Variants in DNASE1 observed in about 807,000 individuals in gnomAD.
DNASE1 encodes the protein deoxyribonuclease 1.
DNASE1 carries 40 observed loss-of-function variants against 33.9 expected under a neutral mutation model. The ratio of observed to expected loss-of-function variants is 1.18; its 90% CI spans 0.92 to 1.54. The LOEUF (loss-of-function observed/expected upper bound fraction) is 1.54, where lower values mean the gene tolerates loss of function less well. DNASE1 is among the 40% of genes most tolerant of loss of function. DNASE1 has a pLI of 0.00. For synonymous variants in DNASE1, 216 were observed against 160.0 expected (o/e 1.35, Z -2.64); for missense variants, 518 against 372.6 (o/e 1.39, Z -3.21).
intron 1 of DNASE1, among the ~76,000 whole-genome samples, chr16:3,619,369 A>T (rs534270442): frequency 1.4e-5 from 2 of 138,550 alleles, no homozygotes; most frequent in Non-Finnish European, 3.1e-5. Context: ...TTTATTTTTT[A>T]TTTTTTTTTG....
intron 7 of DNASE1, among the ~76,000 whole-genome samples, 153 bp downstream of exon 7, chr16:3,657,494 G>A (rs577384559): frequency 6.6e-6 from 1 of 152,292 alleles, no homozygotes; most frequent in African/African-American, 2.4e-5. Flanking sequence ...CAAGAGCCAC[G>A]ATTTTTAGGT....
At chr16:3,626,819 G>A (rs1157151406) in intron 1 of DNASE1, among the ~76,000 whole-genome samples, 6 of 152,166 alleles carry the variant, frequency 3.9e-5, no homozygotes, top group African/African-American at 7.2e-5. Context: ...GGATTATGCT[G>A]TCTTGATGAA....
chr16:3,656,010 A>G, intron 3 of DNASE1, 73 bp downstream of exon 3: 1 of 1,611,504 alleles, frequency 6.2e-7, no homozygotes, highest in Admixed American at 1.7e-5. Context: ...CTTGGGCCCC[A>G]AGGGTGGGGA....
At chr16:3,619,142 C>T (rs1410661685) in intron 1 of DNASE1, among the ~76,000 whole-genome samples, 1 of 152,032 alleles carries the variant, frequency 6.6e-6, no homozygotes, top group East Asian at 1.9e-4. Context: ...TCAAGTGATC[C>T]TCCTGCCTCA....
At chr16:3,652,182 G>C (rs2042357802), upstream of DNASE1, 1 of 152,468 alleles carries the variant, frequency 6.6e-6, no homozygotes, top group Non-Finnish European at 1.5e-5. Context: ...AAAGCAGATG[G>C]GGCAGCATTT....
At chr16:3,662,293 T>G, downstream of DNASE1, 1 of 846,664 alleles carries the variant, frequency 1.2e-6, no homozygotes, top group Non-Finnish European at 1.8e-6. Flanking sequence ...CCCACTAACT[T>G]GTGGGCCCTG....
At chr16:3,656,065 G>A (rs1010323286) in intron 3 of DNASE1, 37 bp from the exon 4 acceptor site, 3 of 1,611,692 alleles carry the variant, frequency 1.9e-6, no homozygotes, top group Admixed American at 3.3e-5. Context: ...GTCCCCTATG[G>A]CCCCCGCCAC....
chr16:3,662,731 G>T (rs557944155), downstream of DNASE1: 1 of 745,256 alleles, frequency 1.3e-6, no homozygotes, highest in South Asian at 1.5e-5. Flanking sequence ...AACACGTGCC[G>T]AGCAGGGACC....
rs2042495315 is a variant in DNASE1, at chr16:3,654,889, C to G, written c.-157C>G. The G allele has an allele frequency of 2.3e-6, 1 of 432,992 alleles. No individual in the cohort carries two copies. The allele number at this position is 432,992 out of a possible 1,614,324, so 26.8% of individuals were successfully genotyped here. On this transcript the variant is annotated 5_prime_UTR_variant, in exon 1 of 9. Transcript: ENST00000246949. The stretch of plus-strand genomic sequence containing the variant: ...TGCCTGTGCAGGATCCGGAGCCCAG[C>G]AGCACTGCCAGGGCCTTGAAGTGCT...
intron 1 of DNASE1, among the ~76,000 whole-genome samples, chr16:3,647,995 C>T (rs929512101): frequency 1.3e-5 from 2 of 152,080 alleles, no homozygotes; most frequent in East Asian, 1.9e-4. Flanking sequence ...TGGCAAAACC[C>T]CGTCTTTACT....
chr16:3,649,416 T>A (rs1351047705), intron 1 of DNASE1, among the ~76,000 whole-genome samples: 1 of 152,246 alleles, frequency 6.6e-6, no homozygotes, highest in Non-Finnish European at 1.5e-5. Context: ...TGGCTGATAA[T>A]TATTTTATGT....
At chr16:3,619,117 C>G (rs893942433) in intron 1 of DNASE1, among the ~76,000 whole-genome samples, 1 of 152,082 alleles carries the variant, frequency 6.6e-6, no homozygotes, top group Non-Finnish European at 1.5e-5. Context: ...TCACTGCAAC[C>G]TCCACATCCC....
Position 3,657,984 on chromosome 16 carries a change from G to A in DNASE1, c.*31G>A. On this transcript the variant is annotated 3_prime_UTR_variant, in exon 9 of 9. Coordinates refer to ENST00000246949, the MANE Select transcript of DNASE1 (RefSeq NM_005223.4). The stretch of plus-strand genomic sequence containing the variant: ...CCCTCCCCACACCAGTTGAACTGCA[G>A]GAAGAGAGGACCCATCCTGCCACAG... The A allele has an allele frequency of 1.9e-6, 3 of 1,613,102 alleles. No individual in the cohort carries two copies. Among genetic ancestry groups the A allele is most frequent in the African/African-American group, 1.3e-5 (1 of 75,022 alleles).
chr16:3,612,594 G>T (rs952059086), intron 1 of DNASE1, among the ~76,000 whole-genome samples: 10 of 144,426 alleles, frequency 6.9e-5, no homozygotes, highest in Admixed American at 2.0e-4. Context: ...GTGGGGGCGG[G>T]GGGGGGAGTC....
Position 3,655,476 on chromosome 16 carries a change from G to A in DNASE1, c.103G>A (p.Glu35Lys). 1 of 1,614,172 alleles carries A rather than the reference G, an allele frequency of 6.2e-7. No individual in the cohort carries two copies. The highest frequency in any genetic ancestry group is 8.5e-7 in the Non-Finnish European group (1 of 1,180,034). Residue 35 changes from glutamate (E) to lysine (K), a missense_variant, in exon 2 of 9, where the codon GAG (glutamate) becomes AAG (lysine). Physicochemically the swap from Glu to Lys is moderately conservative, Grantham distance 56. Coordinates refer to ENST00000246949, the MANE Select transcript of DNASE1 (RefSeq NM_005223.4). ...AGCCTTCAACATCCAGACATTTGGG[G>A]AGACCAAGATGTCCAATGCCACCCT... ...IAAFNIQTFG[E>K]TKMSNATLVS...
downstream of DNASE1, chr16:3,659,749 T>TTAGATAGATAGATAGATAGATAGA: frequency 7.1e-6 from 1 of 140,244 alleles, no homozygotes; most frequent in East Asian, 2.1e-4. Flanking sequence ...ACTTTTTTTT[T>TTAGATAGATAGATAGATAGATAGA]TAGATAGATA....
rs1185630877 is a variant in DNASE1, at chr16:3,655,512, A to G, written c.139A>G (p.Ile47Val). The G allele has an allele frequency of 6.2e-7, 1 of 1,614,110 alleles. No individual in the cohort carries two copies. The change falls in exon 2 of 9, where the codon ATT becomes GTT. Residue 47 changes from isoleucine to valine, a missense_variant. By Grantham distance (29) the Ile-to-Val change is conservative. Transcript: ENST00000246949. ...KMSNATLVSY[I>V]VQILSRYDIA... ...GTCCAATGCCACCCTCGTCAGCTAC[A>G]TTGTGCAGGTGAGGCCAGGGCAGCC... is the stretch of plus-strand genomic sequence containing the variant.
intron 2 of DNASE1, 69 bp downstream of exon 2, chr16:3,655,589 G>C: frequency 1.2e-6 from 2 of 1,606,538 alleles, no homozygotes; most frequent in Non-Finnish European, 1.7e-6. Flanking sequence ...GGCAGGGCCA[G>C]CCCTATGGAG....
At chr16:3,656,795 T>A in intron 5 of DNASE1, 42 bp downstream of exon 5, 1 of 1,564,024 alleles carries the variant, frequency 6.4e-7, no homozygotes, top group Non-Finnish European at 8.7e-7. Context: ...GCTTGGCGCT[T>A]ATGGCCTCCA....
Sources: allele counts gnomAD v4.1 joint callset (sites outside exome capture counted in the v4.1 genomes callset), GRCh38; gene constraint gnomAD v4.1.1; transcripts MANE v1.5; gene names NCBI Gene and HGNC (gene_info 2026-07-23, HGNC 2026-07-21).